TDP2: variants seen among roughly 807,000 people sequenced by gnomAD.
The protein encoded by TDP2 is tyrosyl-DNA phosphodiesterase 2, also known as 5'-Tyr-DNA phosphodiesterase.
TDP2 carries 38 observed loss-of-function variants against 42.8 expected under a neutral mutation model. That is an observed-to-expected ratio of 0.89 (90% CI 0.68 to 1.16). The LOEUF is 1.16. Ranked by LOEUF, TDP2 falls within the 50% of genes most tolerant of loss-of-function variation. The pLI, the probability that TDP2 is intolerant of heterozygous loss-of-function variation, is 0.00. For synonymous variants in TDP2, 173 were observed against 150.6 expected, an observed-to-expected ratio of 1.15 and a Z score of -1.09; for missense variants, 439 against 439.3, an observed-to-expected ratio of 1.00 and a Z score of 0.01.
chr6:24,659,572 A>C (rs1554188382), intron 2 of TDP2, among the ~76,000 whole-genome samples: 1 of 152,224 alleles, frequency 6.6e-6, no homozygotes, highest in Non-Finnish European at 1.5e-5. Flanking sequence ...CTTCAATGAC[A>C]TGTGTCACTA....
rs1445083090 is a variant in TDP2 at position 24,650,882 on chromosome 6, C to T, written c.995G>A (p.Arg332Gln). 10 of 1,614,106 alleles carry T rather than the reference C, an allele frequency of 6.2e-6. No homozygotes were observed. Among genetic ancestry groups the T allele is most frequent in the Non-Finnish European group, 7.6e-6 (9 of 1,180,024 alleles). Reference protein sequence around the residue: ...AAAEEGHIIPRSLDLLGLEKL... With the variant: ...AAAEEGHIIPQSLDLLGLEKL... The stretch of plus-strand genomic sequence containing the variant: ...TTCTAATCCAAGAAGGTCCAAACTT[C>T]GGGGAATAATGTGTCCCTCTTCTGC... The change falls in exon 7 of 7, where the codon CGA (arginine) becomes CAA (glutamine). Residue 332 changes from arginine (R) to glutamine (Q), a missense_variant. By Grantham distance (43) the Arg-to-Gln change is conservative (BLOSUM62 1). Transcript: ENST00000378198.
chr6:24,661,409 C>A (rs1048106653), intron 2 of TDP2, among the ~76,000 whole-genome samples: 1 of 152,200 alleles, frequency 6.6e-6, no homozygotes, highest in African/African-American at 2.4e-5. Flanking sequence ...AGGTCTTGTG[C>A]CCTTCTGGCA....
At chr6:24,665,789 A>G (rs1377270016) in intron 2 of TDP2, among the ~76,000 whole-genome samples, 1 of 152,174 alleles carries the variant, frequency 6.6e-6, no homozygotes, top group Non-Finnish European at 1.5e-5. Context: ...TCTTACCCAG[A>G]CTTAGGACAT....
intron 6 of TDP2, among the ~76,000 whole-genome samples, chr6:24,652,681 T>G (rs1777993343): frequency 6.6e-6 from 1 of 152,180 alleles, no homozygotes; most frequent in African/African-American, 2.4e-5. Flanking sequence ...CAACCTTTTC[T>G]AAACTCTTCT....
In TDP2 at chr6:24,664,990, T is replaced by C. The variant is rs1778207257; in HGVS notation, c.251+1536A>G. On this transcript the variant is annotated intron_variant, in intron 2 of 6. Coordinates refer to ENST00000378198, the MANE Select transcript of TDP2 (RefSeq NM_016614.3). Reference sequence around the variant, plus strand: ...ACTTATTTTGTTACTATTTATTGGTTACAATATAGTCTGTTGCAACCAACA... The same window carrying C: ...ACTTATTTTGTTACTATTTATTGGTCACAATATAGTCTGTTGCAACCAACA... Among the ~76,000 whole-genome samples the C allele has an allele frequency of 2.0e-5, 3 of 152,176 alleles. No homozygotes were observed. In the South Asian group the frequency reaches 6.2e-4, roughly 31 times the overall value.
At chr6:24,666,078 G>GAGTAGGT in intron 2 of TDP2, 1 of 1,538,260 alleles carries the variant, frequency 6.5e-7, no homozygotes, top group Non-Finnish European at 8.7e-7. Flanking sequence ...GAAATAACAG[G>GAGTAGGT]AGTAGGTGTG....
Position 24,666,872 on chromosome 6 carries a change from G to A in TDP2, c.-10C>T, listed in dbSNP as rs764930902. The A allele has an allele frequency of 5.6e-6, 9 of 1,612,726 alleles. No homozygotes were observed. The African/African-American group carries it at 8.0e-5, about 14-fold the overall frequency. On this transcript the variant is annotated 5_prime_UTR_variant, in exon 1 of 7. Transcript: ENST00000378198. Reference sequence around the variant, plus strand: ...AACTCCCCAACTCCATCTTCCTGCCGCCTCTGCACCGCCCCTTTAAGCGGA... The same window carrying A: ...AACTCCCCAACTCCATCTTCCTGCCACCTCTGCACCGCCCCTTTAAGCGGA...
At chr6:24,658,101 T>C (rs1778085498) in intron 3 of TDP2, among the ~76,000 whole-genome samples, 198 bp from the exon 4 acceptor site, 1 of 152,202 alleles carries the variant, frequency 6.6e-6, no homozygotes, top group Non-Finnish European at 1.5e-5. Flanking sequence ...GTAACAAATA[T>C]ATCAAAAAGA....
At chr6:24,666,083 G>T (rs1582427346) in intron 2 of TDP2, 2 of 1,538,454 alleles carry the variant, frequency 1.3e-6, no homozygotes, top group Non-Finnish European at 1.7e-6. Context: ...AACAGGAGTA[G>T]GTGTGCATTA....
Position 24,657,856 on chromosome 6 carries a change from T to A in TDP2, c.473A>T (p.Tyr158Phe). ...ACTTGATCTCTTCTTTAGGTAGCTATAATATGGGGGAATAACTTCCTGTAG... is the reference window on the plus strand; with the variant it reads ...ACTTGATCTCTTCTTTAGGTAGCTAAAATATGGGGGAATAACTTCCTGTAG... ...IFLQEVIPPY[Y>F]SYLKKRSSNY... The change falls in exon 4 of 7, where the codon TAT (tyrosine) becomes TTT (phenylalanine). Residue 158 changes from tyrosine to phenylalanine, a missense_variant. Tyr to Phe is a conservative substitution (Grantham distance 22, BLOSUM62 3). Transcript: ENST00000378198. 2 of 1,585,760 alleles carry A rather than the reference T, an allele frequency of 1.3e-6. No individual in the cohort carries two copies. Among genetic ancestry groups the A allele is most frequent in the Non-Finnish European group, 1.7e-6 (2 of 1,165,762 alleles).
chr6:24,652,883 G>T, intron 6 of TDP2, 100 bp downstream of exon 6: 3 of 1,309,022 alleles, frequency 2.3e-6, no homozygotes, highest in South Asian at 1.2e-5. Context: ...CATTTTGAGT[G>T]ACTAAAGGTC....
At chr6:24,655,880 G>A (rs1778054136) in intron 4 of TDP2, among the ~76,000 whole-genome samples, 1 of 152,160 alleles carries the variant, frequency 6.6e-6, no homozygotes, top group African/African-American at 2.4e-5. Context: ...TCCCTCAAAT[G>A]AATAAGCAGT....
In TDP2 at chr6:24,666,509, C is replaced by T. The variant is rs1778241534; in HGVS notation, c.251+17G>A. ...CTGCCTCCGTGCGGACTGGCTCCCG[C>T]TCCCCTCATCACTTACTAGGTCTTG... is the stretch of plus-strand genomic sequence containing the variant. On this transcript the variant is annotated intron_variant, in intron 2 of 6. Transcript: ENST00000378198. The T allele has an allele frequency of 1.2e-6, 2 of 1,612,694 alleles. No homozygotes were observed. Among genetic ancestry groups the T allele is most frequent in the African/African-American group, 1.3e-5 (1 of 74,902 alleles).
chr6:24,662,953 T>C (rs895114951), intron 2 of TDP2, among the ~76,000 whole-genome samples: 1 of 152,238 alleles, frequency 6.6e-6, no homozygotes, highest in Non-Finnish European at 1.5e-5. Flanking sequence ...TATACTATCA[T>C]AGACAAAGGT....
Position 24,666,581 on chromosome 6 carries a change from C to T in TDP2, c.196G>A (p.Val66Met). 1 of 1,614,218 alleles carries T rather than the reference C, an allele frequency of 6.2e-7. No individual in the cohort carries two copies. The highest frequency in any genetic ancestry group is 8.5e-7 in the Non-Finnish European group (1 of 1,180,008). Residue 66 changes from valine (V) to methionine (M), a missense_variant, in exon 2 of 7, where the codon GTG becomes ATG. By Grantham distance (21) the Val-to-Met change is conservative. Transcript: ENST00000378198. Reference sequence around the variant, plus strand: ...CGGCGTTCCAAGGCGCTCTCCTCCACCGGAGGCTCGAAGTAGGAGTTCAGA... The same window carrying T: ...CGGCGTTCCAAGGCGCTCTCCTCCATCGGAGGCTCGAAGTAGGAGTTCAGA... The part of the protein sequence containing the change: ...RALNSYFEPP[V>M]EESALERRPE...
chr6:24,651,722 G>A (rs1032664201), intron 6 of TDP2, among the ~76,000 whole-genome samples: 7 of 152,044 alleles, frequency 4.6e-5, no homozygotes, highest in South Asian at 4.1e-4. Context: ...GCATAGCTGG[G>A]ATCACAGGCA....
intron 2 of TDP2, among the ~76,000 whole-genome samples, chr6:24,660,913 G>A (rs1778135862): frequency 6.6e-6 from 1 of 152,114 alleles, no homozygotes; most frequent in Non-Finnish European, 1.5e-5. Context: ...TTTTTGGCAG[G>A]AATGTCACAG....
In TDP2 at chr6:24,666,803, A is replaced by C. The variant is rs1778254270; in HGVS notation, c.60T>G (p.Pro20=). ...ACAGAAGTCGCCGCTTTTTCACCTC[A>C]GGCTCGCCCTCTTCCTCCGCCGCCT... ...GREAAEEEGE[P]EVKKRRLLCV... The change falls in exon 1 of 7, where the codon CCT becomes CCG. Residue 20 remains proline, a synonymous_variant. Transcript: ENST00000378198. 1 of 1,614,198 alleles carries C rather than the reference A, an allele frequency of 6.2e-7. No individual in the cohort carries two copies. The highest frequency in any genetic ancestry group is 8.5e-7 in the Non-Finnish European group (1 of 1,180,030).
intron 6 of TDP2, among the ~76,000 whole-genome samples, chr6:24,651,948 C>A (rs1166663152): frequency 6.6e-6 from 1 of 151,884 alleles, no homozygotes; most frequent in East Asian, 1.9e-4. Context: ...AGTTGTGCAA[C>A]CATGACTACC....
Sources: gnomAD v4.1 joint callset for allele counts (sites outside exome capture counted in the v4.1 genomes callset) on GRCh38, gnomAD v4.1.1 for gene constraint, MANE v1.5 for transcripts, NCBI Gene and HGNC (gene_info 2026-07-23, HGNC 2026-07-21) for gene names.